The following ZNF777 variants were observed in gnomAD, a reference collection of about 807,000 sequenced individuals.
ZNF777 encodes the protein zinc finger protein 777.
Under a neutral mutation model 72.1 loss-of-function variants are expected in ZNF777, and 7 were observed. The observed-to-expected ratio is 0.10, with a 90% CI of 0.06 to 0.18. The LOEUF (loss-of-function observed/expected upper bound fraction) is 0.18, where lower values mean the gene tolerates loss of function less well. Ranked by LOEUF, ZNF777 falls within the 10% of genes least tolerant of loss-of-function variation. ZNF777 has a pLI of 1.00. For missense variants in ZNF777, 828 were observed against 1,128.6 expected (o/e 0.73, Z 3.82); for synonymous variants, 545 against 483.5 (o/e 1.13, Z -1.67).
chr7:149,437,076 A>T (rs1321842452), intron 4 of ZNF777, among the ~76,000 whole-genome samples: 1 of 151,464 alleles, frequency 6.6e-6, no homozygotes, highest in Non-Finnish European at 1.5e-5. Context: ...CTCCATAATT[A>T]AAAAAAAATA....
chr7:149,447,166 T>C (rs1799618660), intron 4 of ZNF777, among the ~76,000 whole-genome samples: 1 of 152,154 alleles, frequency 6.6e-6, no homozygotes, highest in African/African-American at 2.4e-5. Flanking sequence ...ATGAACAACA[T>C]ATTCCAAATC....
At chr7:149,442,004 T>A (rs1353281935) in intron 4 of ZNF777, among the ~76,000 whole-genome samples, 1 of 151,238 alleles carries the variant, frequency 6.6e-6, no homozygotes, top group Admixed American at 6.6e-5. Context: ...ACTCCTGACG[T>A]CAGGAGTTCG....
chr7:149,443,416 TGGGGGAC>T (rs1293052454), intron 4 of ZNF777, among the ~76,000 whole-genome samples: 1 of 152,172 alleles, frequency 6.6e-6, no homozygotes, highest in East Asian at 1.9e-4. Context: ...GAGAAAACTA[TGGGGGAC>T]TTTCACTCTC....
Position 149,455,317 on chromosome 7 carries a change from T to C in ZNF777, c.706A>G (p.Ser236Gly). The change falls in exon 2 of 6, where the codon AGC becomes GGC. Residue 236 changes from serine to glycine, a missense_variant. Transcript: ENST00000247930. The surrounding 1 kb of genome is among the most constrained non-coding windows in gnomAD (Gnocchi z 4.2). ...TAVEFANHLE[S>G]KWVVLGTLLQ... ...AGGGTCCCCAACACGACCCACTTGC[T>C]CTCCAGATGGTTCGCGAACTCCACG... The C allele has an allele frequency of 1.9e-6, 3 of 1,614,192 alleles. No individual in the cohort carries two copies. Among genetic ancestry groups the C allele is most frequent in the South Asian group, 1.1e-5 (1 of 91,080 alleles).
At chr7:149,449,603 G>T (rs565296509) in intron 4 of ZNF777, among the ~76,000 whole-genome samples, 21 of 152,054 alleles carry the variant, frequency 1.4e-4, no homozygotes, top group African/African-American at 4.8e-4. Flanking sequence ...TCTCTGCCTC[G>T]CAACACTTCT....
chr7:149,445,988 A>G (rs1409178030), intron 4 of ZNF777, among the ~76,000 whole-genome samples: 1 of 152,152 alleles, frequency 6.6e-6, no homozygotes, highest in East Asian at 1.9e-4. Context: ...CCCAGTACCA[A>G]TTTCAGATTC....
intron 5 of ZNF777, among the ~76,000 whole-genome samples, chr7:149,435,387 C>A (rs1799392591): frequency 6.6e-6 from 1 of 151,996 alleles, no homozygotes; most frequent in South Asian, 2.1e-4. Context: ...CCTGGGCTGG[C>A]CATGAACTCC....
At position 149,437,271 on chromosome 7, in the gene ZNF777, C is replaced by A. The variant is rs560560781; in HGVS notation, c.1088-445G>T. Among the ~76,000 whole-genome samples the A allele has an allele frequency of 5.3e-5, 8 of 152,144 alleles. No individual in the cohort carries two copies. In the East Asian group the frequency reaches 7.7e-4, roughly 15 times the overall value. On this transcript the variant is annotated intron_variant, in intron 4 of 5. Coordinates refer to ENST00000247930, the MANE Select transcript of ZNF777 (RefSeq NM_015694.3). ...GATGACAGGCATGAATGAGTCACTG[C>A]GCCCAGCCAGGGTTTATTTTAAAGA...
In ZNF777 at chr7:149,460,779, G is replaced by C. The variant is rs1002393873; in HGVS notation, c.-16+36C>G. On this transcript the variant is annotated intron_variant, in intron 1 of 5. Transcript: ENST00000247930. The surrounding 1 kb of genome is among the most constrained non-coding windows in gnomAD (Gnocchi z 6.1). ...TCGTGGAGCCCGGGCCGAACCGCCGGGGCCTCCCACCCTCCAGGACCCTCC... is the reference window on the plus strand; with the variant it reads ...TCGTGGAGCCCGGGCCGAACCGCCGCGGCCTCCCACCCTCCAGGACCCTCC... 1 of 152,276 alleles carries C rather than the reference G, an allele frequency of 6.6e-6. No individual in the cohort carries two copies. Among genetic ancestry groups the C allele is most frequent in the African/African-American group, 2.4e-5 (1 of 41,452 alleles). 9.4% of individuals were successfully genotyped at this position (152,276 alleles called of 1,614,324 possible).
At chr7:149,435,109 A>G (rs192479013) in intron 5 of ZNF777, among the ~76,000 whole-genome samples, 3 of 152,388 alleles carry the variant, frequency 2.0e-5, no homozygotes, top group African/African-American at 7.2e-5. Flanking sequence ...GAAAGACAGC[A>G]TGGTATGTCA....
At chr7:149,459,786 T>C (rs1246496408) in intron 1 of ZNF777, 19 of 984,636 alleles carry the variant, frequency 1.9e-5, no homozygotes, top group Non-Finnish European at 2.3e-5. Context: ...GGGGCCGAGC[T>C]CTGCGGAAAA....
intron 1 of ZNF777, among the ~76,000 whole-genome samples, chr7:149,458,007 C>T (rs1345983328): frequency 6.6e-6 from 1 of 152,204 alleles, no homozygotes; most frequent in Non-Finnish European, 1.5e-5. Flanking sequence ...TGCTCTGAAT[C>T]CTTTTTACCT....
intron 4 of ZNF777, among the ~76,000 whole-genome samples, chr7:149,446,172 G>A (rs1799599338): frequency 6.6e-6 from 1 of 152,216 alleles, no homozygotes; most frequent in Non-Finnish European, 1.5e-5. Flanking sequence ...GAGGTTGGGA[G>A]TTCAAGACCA....
intron 4 of ZNF777, among the ~76,000 whole-genome samples, chr7:149,449,636 T>G (rs1447058101): frequency 6.6e-6 from 1 of 152,192 alleles, no homozygotes; most frequent in African/African-American, 2.4e-5. Context: ...CCACCTAGAA[T>G]CTCTCTATTT....
intron 3 of ZNF777, 28 bp downstream of exon 3, chr7:149,454,083 C>G: frequency 6.2e-7 from 1 of 1,613,156 alleles, no homozygotes. Context: ...GTCCAGGCAG[C>G]CCCCAGCGAG....
In ZNF777 at chr7:149,433,243, C is replaced by T. The variant is rs114084724; in HGVS notation, c.1340-311G>A. Among the ~76,000 whole-genome samples the T allele has an allele frequency of 9.1e-3, 1,387 of 152,246 alleles. 22 individuals are homozygous for T. Among genetic ancestry groups the T allele is most frequent in the African/African-American group, 0.032 (1,323 of 41,528 alleles). Reference sequence around the variant, plus strand: ...AAATCGCTTCCTGTTGGTTATGATGCGAAACTGCTGGTACAGCCGGACCCA... The same window carrying T: ...AAATCGCTTCCTGTTGGTTATGATGTGAAACTGCTGGTACAGCCGGACCCA... On this transcript the variant is annotated intron_variant, in intron 5 of 5. Coordinates refer to ENST00000247930, the MANE Select transcript of ZNF777 (RefSeq NM_015694.3).
chr7:149,442,620 A>AC (rs1799541978), intron 4 of ZNF777, among the ~76,000 whole-genome samples: 1 of 147,056 alleles, frequency 6.8e-6, no homozygotes, highest in South Asian at 2.1e-4. Flanking sequence ...ACTCTGTCTA[A>AC]AAAAAAAAAA....
intron 3 of ZNF777, among the ~76,000 whole-genome samples, chr7:149,452,041 G>A (rs902968104): frequency 3.3e-5 from 5 of 151,944 alleles, no homozygotes; most frequent in Admixed American, 1.3e-4. Context: ...CGAGGCGGGC[G>A]GATCACAAGG....
At chr7:149,438,919 C>T (rs1329764341) in intron 4 of ZNF777, among the ~76,000 whole-genome samples, 1 of 152,200 alleles carries the variant, frequency 6.6e-6, no homozygotes, top group Non-Finnish European at 1.5e-5. Flanking sequence ...CCCCCCGCCA[C>T]AGCCTTAAAT....
Sources: allele counts gnomAD v4.1 joint callset (sites outside exome capture counted in the v4.1 genomes callset), GRCh38; gene constraint gnomAD v4.1.1; non-coding constraint Gnocchi (gnomAD v3.1); transcripts MANE v1.5; gene names NCBI Gene and HGNC (gene_info 2026-07-23, HGNC 2026-07-21).